Variants in OSBPL10 observed in about 807,000 individuals in gnomAD.
The protein encoded by OSBPL10 is oxysterol binding protein like 10.
A neutral mutation model predicts 81.7 loss-of-function variants in OSBPL10; 49 were observed. The observed-to-expected ratio is 0.60, with a 90% confidence interval of 0.48 to 0.76. OSBPL10 has a LOEUF of 0.76. Ranked by LOEUF, OSBPL10 falls within the 30% of genes least tolerant of loss-of-function variation. The pLI, the probability that OSBPL10 is intolerant of heterozygous loss-of-function variation, is 0.00. For missense variants in OSBPL10, 923 were observed against 987.8 expected, an observed-to-expected ratio of 0.93 and a Z score of 0.88; for synonymous variants, 419 against 383.6, an observed-to-expected ratio of 1.09 and a Z score of -1.08.
intron 1 of OSBPL10, among the ~76,000 whole-genome samples, chr3:31,952,677 T>C (rs1697902289): frequency 6.6e-6 from 1 of 152,220 alleles, no homozygotes; most frequent in South Asian, 2.1e-4. Flanking sequence ...ATGTGGCACT[T>C]GGAATCAGAC....
intron 4 of OSBPL10, among the ~76,000 whole-genome samples, chr3:31,784,379 GGGAAAA>G (rs367916607): frequency 3.2e-4 from 45 of 141,656 alleles, no homozygotes; most frequent in African/African-American, 9.9e-4. Flanking sequence ...GAAAAGGAAA[GGGAAAA>G]GGAAAAGGAA....
intron 1 of OSBPL10, among the ~76,000 whole-genome samples, chr3:31,961,034 A>G (rs768728248): frequency 3.4e-4 from 49 of 144,672 alleles, no homozygotes; most frequent in Non-Finnish European, 5.6e-4. Flanking sequence ...ATGTTTAACC[A>G]AGAAGCTACA....
upstream of OSBPL10, among the ~76,000 whole-genome samples, chr3:31,981,516 C>A (rs1698843683): frequency 6.6e-6 from 1 of 152,176 alleles, no homozygotes; most frequent in Non-Finnish European, 1.5e-5. The surrounding 1 kb of genome is among the most constrained non-coding windows in gnomAD (Gnocchi z 4.5). Context: ...TCCCTGCGGC[C>A]TCTCAGGCCC....
intron 1 of OSBPL10, among the ~76,000 whole-genome samples, chr3:31,951,270 G>GA (rs150863728): frequency 1.8e-4 from 26 of 144,334 alleles, no homozygotes; most frequent in South Asian, 6.7e-4. Context: ...AACAAAACGG[G>GA]AAAAAAAAAA....
chr3:31,730,956 C>T (rs1344272105), intron 6 of OSBPL10, among the ~76,000 whole-genome samples: 1 of 152,192 alleles, frequency 6.6e-6, no homozygotes, highest in Non-Finnish European at 1.5e-5. Flanking sequence ...AGATCAAAAG[C>T]ATTAAGGACC....
Position 31,683,797 on chromosome 3 carries a change from G to A in OSBPL10, c.1563C>T (p.Ser521=), listed in dbSNP as rs1324936028. ...CCACAAACCTTAGTTTGTAGCTTTTGGAAGGGTCATCGGCCATTGGGTGTT... is the reference window on the plus strand; with the variant it reads ...CCACAAACCTTAGTTTGTAGCTTTTAGAAGGGTCATCGGCCATTGGGTGTT... ...CHEHPMADDP[S]KSYKLRFVAE... Residue 521 remains serine (S), a synonymous_variant, in exon 8 of 12, where the codon TCC becomes TCT. Coordinates refer to ENST00000396556, the MANE Select transcript of OSBPL10 (RefSeq NM_017784.5). The A allele has an allele frequency of 6.2e-7, 1 of 1,614,218 alleles. No individual in the cohort carries two copies.
At chr3:32,004,154 C>T (rs1052297796) in intron 2 of OSBPL10, among the ~76,000 whole-genome samples, 34 of 152,188 alleles carry the variant, frequency 2.2e-4, no homozygotes, top group African/African-American at 7.2e-4. Context: ...AAAAAATTAA[C>T]GAGTGTCCAT....
intron 1 of OSBPL10, among the ~76,000 whole-genome samples, chr3:31,902,849 C>T (rs1324090128): frequency 1.3e-5 from 2 of 152,172 alleles, no homozygotes; most frequent in Non-Finnish European, 2.9e-5. Context: ...AATGTAGCCC[C>T]TAAGTCAGTG....
chr3:31,952,934 T>C (rs1442849708), intron 1 of OSBPL10, among the ~76,000 whole-genome samples: 3 of 147,940 alleles, frequency 2.0e-5, no homozygotes, highest in Non-Finnish European at 3.0e-5. Context: ...TCCTACTTTT[T>C]TTTTTTTTTT....
chr3:31,965,691 A>ATT (rs1360765035), intron 1 of OSBPL10, among the ~76,000 whole-genome samples: 2 of 46,918 alleles, frequency 4.3e-5, no homozygotes, highest in African/African-American at 1.8e-4. Context: ...TATTATATAA[A>ATT]ATATATAATA....
intron 1 of OSBPL10, among the ~76,000 whole-genome samples, chr3:31,945,838 T>C (rs1020419512): frequency 1.3e-5 from 2 of 152,242 alleles, no homozygotes; most frequent in Non-Finnish European, 2.9e-5. Flanking sequence ...TAACGTATCA[T>C]GCATACAAAT....
chr3:31,823,994 G>A (rs1008623213), intron 4 of OSBPL10, among the ~76,000 whole-genome samples: 1 of 152,044 alleles, frequency 6.6e-6, no homozygotes, highest in Non-Finnish European at 1.5e-5. Flanking sequence ...TGGAACCACA[G>A]GTTCATGCCA....
At chr3:31,668,853 CT>C in intron 9 of OSBPL10, 29 bp from the exon 10 acceptor site, 1 of 1,505,486 alleles carries the variant, frequency 6.6e-7, no homozygotes. Flanking sequence ...TGAGTACACA[CT>C]TTTCAAAATG....
intron 3 of OSBPL10, among the ~76,000 whole-genome samples, chr3:31,874,494 T>G (rs1205425943): frequency 1.3e-5 from 2 of 152,122 alleles, no homozygotes; most frequent in African/African-American, 2.4e-5. Context: ...AAAAATCCTT[T>G]GTACACAAAG....
chr3:31,663,759 T>C, intron 11 of OSBPL10: 8 of 1,201,494 alleles, frequency 6.7e-6, no homozygotes, highest in Non-Finnish European at 8.3e-6. Flanking sequence ...TGATTTTCTT[T>C]TTAAAAATAG....
intron 1 of OSBPL10, among the ~76,000 whole-genome samples, chr3:32,052,792 G>T (rs972816874): frequency 1.3e-5 from 2 of 152,064 alleles, no homozygotes; most frequent in Non-Finnish European, 2.9e-5. Flanking sequence ...ATCATACATT[G>T]GGGCCTGTCA....
chr3:31,790,215 C>T (rs780106212), intron 4 of OSBPL10, among the ~76,000 whole-genome samples: 1 of 152,176 alleles, frequency 6.6e-6, no homozygotes, highest in Admixed American at 6.5e-5. Context: ...TTCTTGTCTG[C>T]TTAGCAAGTT....
chr3:31,673,045 T>C (rs1200686363), intron 8 of OSBPL10, among the ~76,000 whole-genome samples: 1 of 152,154 alleles, frequency 6.6e-6, no homozygotes, highest in Non-Finnish European at 1.5e-5. Context: ...GGAGCTCTCT[T>C]GACTAAACTC....
chr3:32,053,566 T>C lies in OSBPL10; in HGVS notation n.186-6963A>G, dbSNP rs569976640. On this transcript the variant is annotated intron_variant and non_coding_transcript_variant, in intron 1 of 3. Coordinates refer to the OSBPL10 transcript ENST00000479173. The stretch of plus-strand genomic sequence containing the variant: ...CTTACCTTATGGTCAGACATTAAAA[T>C]TGGATAGATGTGTCTATGAATTTTC... 4.6e-5 allele frequency among the ~76,000 whole-genome samples: 7 copies of C among 152,342 alleles called. No individual in the cohort carries two copies. In the South Asian group the frequency reaches 1.5e-3, roughly 32 times the overall value.
Sources: gnomAD v4.1 joint callset for allele counts (sites outside exome capture counted in the v4.1 genomes callset) on GRCh38, gnomAD v4.1.1 for gene constraint, Gnocchi (gnomAD v3.1) non-coding constraint, MANE v1.5 for transcripts, NCBI Gene and HGNC (gene_info 2026-07-23, HGNC 2026-07-21) for gene names.